The following MARCHF8 variants were observed in gnomAD, a reference collection of about 807,000 sequenced individuals.
MARCHF8 encodes the protein E3 ubiquitin-protein ligase MARCHF8.
A neutral mutation model predicts 51.6 loss-of-function variants in MARCHF8; 40 were observed. The ratio of observed to expected loss-of-function variants is 0.77; its 90% confidence interval spans 0.60 to 1.01. The LOEUF (loss-of-function observed/expected upper bound fraction) is 1.01. MARCHF8 is among the 50% of genes least tolerant of loss of function. The pLI is 0.00. For synonymous variants in MARCHF8, 263 were observed against 280.3 expected (o/e 0.94, Z 0.62); for missense variants, 685 against 708.6 (o/e 0.97, Z 0.38).
intron 3 of MARCHF8, among the ~76,000 whole-genome samples, chr10:45,465,428 A>G (rs749928421): frequency 6.6e-6 from 1 of 152,114 alleles, no homozygotes; most frequent in Non-Finnish European, 1.5e-5. Context: ...CTGGCCCACC[A>G]TTCCCTGGCT....
At chr10:45,558,729 T>C (rs2044278830) in intron 1 of MARCHF8, among the ~76,000 whole-genome samples, 1 of 152,240 alleles carries the variant, frequency 6.6e-6, no homozygotes, top group African/African-American at 2.4e-5. Context: ...TGTGTATGTA[T>C]GTATAACACC....
chr10:45,481,020 A>G (rs935661060), intron 3 of MARCHF8, among the ~76,000 whole-genome samples: 6 of 152,370 alleles, frequency 3.9e-5, no homozygotes, highest in Middle Eastern at 3.4e-3. Flanking sequence ...CAGAGCTGCC[A>G]AAGGCCGTGG....
In MARCHF8 at chr10:45,463,395, T is replaced by C. The variant is rs1048454854; in HGVS notation, c.844A>G (p.Ser282Gly). 1.9e-6 allele frequency: 3 copies of C among 1,550,626 alleles called. No individual in the cohort carries two copies. Among genetic ancestry groups the C allele is most frequent in the African/African-American group, 1.4e-5 (1 of 73,166 alleles). Residue 282 changes from serine (S) to glycine (G), a missense_variant, in exon 5 of 8, where the codon AGC becomes GGC. Ser to Gly is a moderately conservative substitution (Grantham distance 56, BLOSUM62 0). Transcript: ENST00000453424. The stretch of plus-strand genomic sequence containing the variant: ...GCAGTGTGCAGGCGAGCAGCGCAGC[T>C]CTCCAGCTCATGGAACCTGTGCAGG... ...SSLHRFHELE[S>G]CAARLHTAKS...
intron 3 of MARCHF8, among the ~76,000 whole-genome samples, chr10:45,466,859 G>A (rs1423333846): frequency 1.3e-5 from 2 of 152,196 alleles, no homozygotes; most frequent in Non-Finnish European, 2.9e-5. Context: ...ATCCTTGCAT[G>A]CCCATGATGA....
intron 6 of MARCHF8, 83 bp from the exon 7 acceptor site, chr10:45,459,350 T>C (rs1842715596): frequency 3.4e-6 from 5 of 1,454,562 alleles, no homozygotes; most frequent in East Asian, 2.4e-5. Context: ...TAGGTAAGAT[T>C]GGCTTTCCAC....
At chr10:45,523,490 C>T (rs1243709427) in intron 2 of MARCHF8, among the ~76,000 whole-genome samples, 3 of 152,220 alleles carry the variant, frequency 2.0e-5, no homozygotes, top group African/African-American at 7.2e-5. Context: ...TGCCACTGCA[C>T]TCCAGCCTGT....
intron 1 of MARCHF8, among the ~76,000 whole-genome samples, chr10:45,585,544 A>G (rs1404090405): frequency 6.6e-6 from 1 of 152,192 alleles, no homozygotes; most frequent in Admixed American, 6.5e-5. Flanking sequence ...CACAGCTTAG[A>G]GATACAAATG....
chr10:45,518,077 C>T (rs2043648735), intron 2 of MARCHF8, among the ~76,000 whole-genome samples: 1 of 152,158 alleles, frequency 6.6e-6, no homozygotes, highest in African/African-American at 2.4e-5. Flanking sequence ...GCAGCTAATA[C>T]AAGAGGTGAT....
chr10:45,559,569 T>C lies in MARCHF8; in HGVS notation c.-78-26280A>G, dbSNP rs146503025. 1.5e-3 allele frequency among the ~76,000 whole-genome samples: 229 copies of C among 152,360 alleles called. 1 individual carries two copies. The highest frequency in any genetic ancestry group is 5.1e-3 in the African/African-American group (213 of 41,592). Reference sequence around the variant, plus strand: ...ACGGGATTTCATTGGCCATTTCTTATATTACTAATTCATACACATAAGAAT... The same window carrying C: ...ACGGGATTTCATTGGCCATTTCTTACATTACTAATTCATACACATAAGAAT... On this transcript the variant is annotated intron_variant, in intron 1 of 6. Coordinates refer to the MARCHF8 transcript ENST00000319836.
At chr10:45,543,715 G>A (rs576018752) in intron 1 of MARCHF8, among the ~76,000 whole-genome samples, 41 of 148,768 alleles carry the variant, frequency 2.8e-4, no homozygotes, top group Non-Finnish European at 5.8e-4. Context: ...GGAGAATGGC[G>A]TGAACCCGGG....
intron 1 of MARCHF8, among the ~76,000 whole-genome samples, chr10:45,550,103 G>C (rs572094019): frequency 6.6e-6 from 1 of 152,280 alleles, no homozygotes; most frequent in African/African-American, 2.4e-5. Context: ...TGTTGTTTTC[G>C]CTGCTTTTTC....
chr10:45,513,045 T>C (rs993743655), intron 2 of MARCHF8, among the ~76,000 whole-genome samples: 2 of 151,110 alleles, frequency 1.3e-5, no homozygotes, highest in African/African-American at 2.4e-5. Context: ...TTAAGAATCA[T>C]CACCACTCCC....
intron 3 of MARCHF8, among the ~76,000 whole-genome samples, chr10:45,487,009 T>C (rs2042992690): frequency 6.6e-6 from 1 of 150,996 alleles, no homozygotes; most frequent in South Asian, 2.1e-4. Flanking sequence ...TGGGGTTTCA[T>C]CATGTTGGCC....
chr10:45,579,234 A>G (rs1388761247), intron 1 of MARCHF8, among the ~76,000 whole-genome samples: 2 of 152,140 alleles, frequency 1.3e-5, no homozygotes, highest in Non-Finnish European at 2.9e-5. Context: ...AAAGAGTGAT[A>G]AAGCTAATGA....
intron 2 of MARCHF8, among the ~76,000 whole-genome samples, chr10:45,507,648 AAG>A (rs1304980808): frequency 6.6e-6 from 1 of 152,188 alleles, no homozygotes; most frequent in Non-Finnish European, 1.5e-5. Flanking sequence ...CCCCTCTCAG[AAG>A]ACCCTACATC....
At chr10:45,544,161 C>A (rs979007251) in intron 1 of MARCHF8, among the ~76,000 whole-genome samples, 2 of 152,144 alleles carry the variant, frequency 1.3e-5, no homozygotes, top group African/African-American at 4.8e-5. Flanking sequence ...TACCACTATA[C>A]CCCCACTAGA....
chr10:45,511,865 G>A (rs1378709259), intron 2 of MARCHF8, among the ~76,000 whole-genome samples: 9 of 150,980 alleles, frequency 6.0e-5, no homozygotes, highest in South Asian at 2.1e-4. Flanking sequence ...CTGCCTGGCC[G>A]CCCATCGTCT....
At chr10:45,515,009 C>A (rs753405871) in intron 2 of MARCHF8, among the ~76,000 whole-genome samples, 1 of 152,118 alleles carries the variant, frequency 6.6e-6, no homozygotes, top group Non-Finnish European at 1.5e-5. Flanking sequence ...GGGAGCTCTG[C>A]GTATCAATGC....
At chr10:45,570,030 A>G (rs1027916295) in intron 1 of MARCHF8, among the ~76,000 whole-genome samples, 2 of 152,230 alleles carry the variant, frequency 1.3e-5, no homozygotes, top group African/African-American at 2.4e-5. Context: ...CTAAACAGCC[A>G]TGTATTTATT....
Sources: allele counts gnomAD v4.1 joint callset (sites outside exome capture counted in the v4.1 genomes callset), GRCh38; gene constraint gnomAD v4.1.1; transcripts MANE v1.5; gene names NCBI Gene and HGNC (gene_info 2026-07-23, HGNC 2026-07-21).